Variants in NAALADL2 observed in about 807,000 individuals in gnomAD.
NAALADL2 encodes the protein inactive N-acetylated-alpha-linked acidic dipeptidase-like protein 2.
NAALADL2 carries 76 observed loss-of-function variants against 87.2 expected under a neutral mutation model. The ratio of observed to expected loss-of-function variants is 0.87; its 90% CI spans 0.72 to 1.05. The LOEUF (loss-of-function observed/expected upper bound fraction) is 1.05. Ranked by LOEUF, NAALADL2 falls within the 50% of genes least tolerant of loss-of-function variation. NAALADL2 has a pLI of 0.00. For missense variants in NAALADL2, 1,089 were observed against 945.8 expected, an observed-to-expected ratio of 1.15 and a Z score of -1.99; for synonymous variants, 354 against 331.0, an observed-to-expected ratio of 1.07 and a Z score of -0.75.
intron 13 of NAALADL2, among the ~76,000 whole-genome samples, chr3:175,778,296 G>A: frequency 6.6e-6 from 1 of 152,176 alleles, no homozygotes. Flanking sequence ...AGTAGTTACA[G>A]AAAAGGGAAT....
At chr3:174,469,470 C>T (rs938566660) in intron 1 of NAALADL2, among the ~76,000 whole-genome samples, 5 of 151,686 alleles carry the variant, frequency 3.3e-5, no homozygotes, top group African/African-American at 9.7e-5. Flanking sequence ...GCTCTGTCTC[C>T]CAGACTGGAG....
intron 2 of NAALADL2, among the ~76,000 whole-genome samples, chr3:174,690,906 A>G (rs1377862598): frequency 1.3e-5 from 2 of 152,172 alleles, no homozygotes; most frequent in African/African-American, 4.8e-5. Context: ...ACTGTAAGTA[A>G]AAGAGCTTTG....
At chr3:175,335,349 C>T (rs1316514772) in intron 5 of NAALADL2, among the ~76,000 whole-genome samples, 2 of 152,132 alleles carry the variant, frequency 1.3e-5, no homozygotes, top group Admixed American at 1.3e-4. Context: ...AAATAGATGT[C>T]TAAAACAGTG....
intron 3 of NAALADL2, among the ~76,000 whole-genome samples, chr3:174,816,611 A>G (rs1419065144): frequency 6.6e-6 from 1 of 151,362 alleles, no homozygotes; most frequent in Non-Finnish European, 1.5e-5. Context: ...TGAATTACCA[A>G]TGAGGTCGCT....
intron 3 of NAALADL2, among the ~76,000 whole-genome samples, chr3:174,791,168 T>C (rs1375503368): frequency 6.6e-6 from 1 of 152,208 alleles, no homozygotes; most frequent in Non-Finnish European, 1.5e-5. Context: ...TTAAAACTTC[T>C]TATGAAATTA....
chr3:175,162,978 C>A (rs981843305), intron 2 of NAALADL2, among the ~76,000 whole-genome samples: 4 of 151,998 alleles, frequency 2.6e-5, no homozygotes, highest in African/African-American at 9.7e-5. Flanking sequence ...GTTACATAGC[C>A]TGGAACTAAT....
At chr3:175,333,633 G>C (rs1761658092) in intron 5 of NAALADL2, among the ~76,000 whole-genome samples, 2 of 152,214 alleles carry the variant, frequency 1.3e-5, no homozygotes, top group Admixed American at 1.3e-4. Flanking sequence ...ATATCATGGA[G>C]ATAGAGAGTA....
chr3:174,777,847 G>A (rs1430636740), intron 3 of NAALADL2, among the ~76,000 whole-genome samples: 1 of 151,940 alleles, frequency 6.6e-6, no homozygotes, highest in African/African-American at 2.4e-5. Context: ...TATCTTCATG[G>A]TTCAAGTCTT....
intron 1 of NAALADL2, among the ~76,000 whole-genome samples, chr3:175,005,448 G>A (rs188606628): frequency 2.6e-5 from 4 of 152,052 alleles, no homozygotes; most frequent in South Asian, 2.1e-4. Flanking sequence ...TCTCAATGTC[G>A]AACCTCCTTG....
chr3:174,692,233 G>T (rs1453301874), intron 2 of NAALADL2, among the ~76,000 whole-genome samples: 2 of 152,102 alleles, frequency 1.3e-5, no homozygotes, highest in Non-Finnish European at 2.9e-5. Flanking sequence ...CTTAATCTAT[G>T]GGTTGCAGAA....
At chr3:175,182,414 GTCTC>G (rs1228673414) in intron 2 of NAALADL2, among the ~76,000 whole-genome samples, 1 of 151,602 alleles carries the variant, frequency 6.6e-6, no homozygotes, top group African/African-American at 2.4e-5. Flanking sequence ...TTGACACAGG[GTCTC>G]TCTCTGTCAC....
chr3:175,571,016 T>A (rs1482214825), intron 9 of NAALADL2, among the ~76,000 whole-genome samples: 1 of 152,190 alleles, frequency 6.6e-6, no homozygotes, highest in Non-Finnish European at 1.5e-5. Context: ...AGTAAATGCT[T>A]ATGTATGCAG....
At chr3:174,814,993 G>A (rs1020484508) in intron 3 of NAALADL2, among the ~76,000 whole-genome samples, 3 of 152,102 alleles carry the variant, frequency 2.0e-5, no homozygotes, top group Non-Finnish European at 2.9e-5. Flanking sequence ...TTTATAACAC[G>A]TATTTCTATA....
chr3:175,165,629 G>A (rs992510589), intron 2 of NAALADL2, among the ~76,000 whole-genome samples: 2 of 152,082 alleles, frequency 1.3e-5, no homozygotes, highest in African/African-American at 4.8e-5. Context: ...TCTTCAAAAA[G>A]AATTTCTGTA....
intron 12 of NAALADL2, among the ~76,000 whole-genome samples, chr3:175,746,570 C>G (rs1292436739): frequency 6.6e-6 from 1 of 152,094 alleles, no homozygotes; most frequent in Non-Finnish European, 1.5e-5. Flanking sequence ...TCCAAGGCAG[C>G]CTGACTAAAA....
At chr3:175,626,548 T>C (rs564787387) in intron 10 of NAALADL2, among the ~76,000 whole-genome samples, 86 of 151,886 alleles carry the variant, frequency 5.7e-4, no homozygotes, top group Non-Finnish European at 1.1e-3. Context: ...GAATCTTCTC[T>C]GACAAAAGAA....
chr3:175,490,845 G>A (rs973549990), intron 9 of NAALADL2, among the ~76,000 whole-genome samples: 10 of 152,008 alleles, frequency 6.6e-5, no homozygotes, highest in African/African-American at 2.2e-4. Flanking sequence ...GCAATCCGTG[G>A]AACATCATAG....
intron 1 of NAALADL2, among the ~76,000 whole-genome samples, chr3:174,486,384 TG>T (rs2108340151): frequency 6.6e-6 from 1 of 152,214 alleles, no homozygotes; most frequent in South Asian, 2.1e-4. Flanking sequence ...TCCATTAAAA[TG>T]TATGGGGCCC....
chr3:174,910,165 C>CATAT (rs61002031), intron 1 of NAALADL2, among the ~76,000 whole-genome samples: 60 of 151,120 alleles, frequency 4.0e-4, no homozygotes, highest in African/African-American at 1.4e-3. Flanking sequence ...AGTTTATATA[C>CATAT]ATATATATAT....
Sources: allele counts gnomAD v4.1 joint callset (sites outside exome capture counted in the v4.1 genomes callset), GRCh38; gene constraint gnomAD v4.1.1; transcripts MANE v1.5; gene names NCBI Gene and HGNC (gene_info 2026-07-23, HGNC 2026-07-21).